The following PRKCH variants were observed in gnomAD, a reference collection of about 807,000 sequenced individuals.
The protein encoded by PRKCH is protein kinase C eta, also known as protein kinase C eta type.
PRKCH carries 28 observed loss-of-function variants against 82.5 expected under a neutral mutation model. The observed-to-expected ratio is 0.34, with a 90% CI of 0.25 to 0.47. The LOEUF (loss-of-function observed/expected upper bound fraction) is 0.47. Among genes scored for constraint, PRKCH ranks in the 20% least tolerant of loss-of-function variants. The pLI, the probability that PRKCH is intolerant of heterozygous loss-of-function variation, is 1.00. For missense variants in PRKCH, 705 were observed against 881.8 expected, an observed-to-expected ratio of 0.80 and a Z score of 2.54; for synonymous variants, 322 against 327.4, an observed-to-expected ratio of 0.98 and a Z score of 0.18.
rs547777412 is a variant in PRKCH at position 61,193,398 on chromosome 14, CT to C, written c.-19+5733del. Among the ~76,000 whole-genome samples the C allele has an allele frequency of 2.4e-3, 365 of 152,134 alleles. 3 individuals are homozygous for C. The highest frequency in any genetic ancestry group is 8.7e-3 in the African/African-American group (360 of 41,508). The stretch of plus-strand genomic sequence containing the variant: ...ATGGTAGAAAAATCAACCAAGAGGC[CT>C]TTGTTTTTCTTTTGCTTTCTTAGCA... On this transcript the variant is annotated intron_variant, in intron 1 of 3. Coordinates refer to the PRKCH transcript ENST00000555185.
intron 1 of PRKCH, among the ~76,000 whole-genome samples, chr14:61,371,665 G>A (rs1299437693): frequency 6.6e-6 from 1 of 151,946 alleles, no homozygotes; most frequent in Non-Finnish European, 1.5e-5. Flanking sequence ...CTATCAAAAC[G>A]ACCTATCACT....
chr14:61,249,039 T>C (rs370972765), intron 1 of PRKCH, among the ~76,000 whole-genome samples: 21 of 152,232 alleles, frequency 1.4e-4, no homozygotes, highest in African/African-American at 5.1e-4. Context: ...TGACCTCAGG[T>C]GACTCGCCTG....
rs2045635889 is a variant in PRKCH at position 61,322,222 on chromosome 14, C to T, written c.121C>T (p.Leu41=). Residue 41 remains leucine, a synonymous_variant, in exon 1 of 14, where the codon CTG becomes TTG. Transcript: ENST00000332981. The stretch of plus-strand genomic sequence containing the variant: ...GCTCTTCAAGAAGGGCCACCAGCTG[C>T]TGGACCCCTATCTGACGGTGAGCGT... ...HSLFKKGHQL[L]DPYLTVSVDQ... The T allele has an allele frequency of 6.2e-7, 1 of 1,613,344 alleles. No individual in the cohort carries two copies. The highest frequency in any genetic ancestry group is 1.7e-5 in the Admixed American group (1 of 59,970).
At chr14:61,407,436 C>T (rs2352084) in intron 2 of PRKCH, among the ~76,000 whole-genome samples, 102,747 of 152,002 alleles carry the variant, frequency 0.68, 35,108 homozygotes, top group East Asian at 0.8. Context: ...AAGAATTCAT[C>T]GACAAAGACT....
At position 61,445,708 on chromosome 14, in the gene PRKCH, CAG is replaced by C; in HGVS notation, c.596_597del (p.Gln199ArgfsTer13). 1 of 1,610,228 alleles carries C rather than the reference CAG, an allele frequency of 6.2e-7. No individual in the cohort carries two copies. The highest frequency in any genetic ancestry group is 8.5e-7 in the Non-Finnish European group (1 of 1,176,516). On this transcript the variant is annotated frameshift_variant, in exon 4 of 14. Coordinates refer to ENST00000332981, the MANE Select transcript of PRKCH (RefSeq NM_006255.5). LOFTEE classifies it high-confidence loss of function. Reference sequence around the variant, plus strand: ...CTTCAACAGGGGAGTGTTTGGGAAACAGGGTTATCAGTGCCAAGGTAAGGAAA... The same window carrying C: ...CTTCAACAGGGGAGTGTTTGGGAAACGGTTATCAGTGCCAAGGTAAGGAAA... Reference protein sequence around the residue: ...REFIWGVFGKQGYQCQVCTCV... With the variant: ...REFIWGVFGKXGYQCQVCTCV...
chr14:61,439,338 C>G (rs1258900148), intron 2 of PRKCH, among the ~76,000 whole-genome samples: 2 of 152,114 alleles, frequency 1.3e-5, no homozygotes, highest in African/African-American at 2.4e-5. Context: ...TGGCAGCAGT[C>G]TAGAACATGG....
chr14:61,202,648 A>G (rs752177901), intron 1 of PRKCH, among the ~76,000 whole-genome samples: 4 of 152,060 alleles, frequency 2.6e-5, no homozygotes, highest in African/African-American at 9.7e-5. Flanking sequence ...TGTTTTACCC[A>G]TTTTAATCAT....
intron 10 of PRKCH, among the ~76,000 whole-genome samples, chr14:61,505,225 T>C (rs1887083205): frequency 6.6e-6 from 1 of 152,026 alleles, no homozygotes; most frequent in African/African-American, 2.4e-5. Flanking sequence ...CAGAAAATTA[T>C]TTCTCAGTGC....
At chr14:61,341,427 G>A (rs991110) in intron 1 of PRKCH, among the ~76,000 whole-genome samples, 16,276 of 152,218 alleles carry the variant, frequency 0.11, 1,122 homozygotes, top group African/African-American at 0.19. Context: ...TAACTACAAA[G>A]ACATCCATAA....
rs1236647818 is a variant in PRKCH, at chr14:61,502,058, TTCTTTTC to T, written c.1433+16404_1433+16410del. ...AGGCAATCTTTTCTTTTCTTTTCTT[TTCTTTTC>T]TTTTTTTTTTTTTTTTTCCGAGATG... On this transcript the variant is annotated intron_variant, in intron 10 of 13. Coordinates refer to ENST00000332981, the MANE Select transcript of PRKCH (RefSeq NM_006255.5). 7.1e-5 allele frequency among the ~76,000 whole-genome samples: 6 copies of T among 84,506 alleles called. 1 individual carries two copies. The highest frequency in any genetic ancestry group is 3.6e-4 in the African/African-American group (6 of 16,532). 55.4% of individuals were successfully genotyped at this position (84,506 alleles called of 152,430 possible).
chr14:61,364,789 A>C (rs570797792), intron 1 of PRKCH, among the ~76,000 whole-genome samples: 1 of 152,062 alleles, frequency 6.6e-6, no homozygotes, highest in African/African-American at 2.4e-5. Context: ...GCAGTGAGCC[A>C]TGATTGCACC....
chr14:61,207,536 C>T (rs536615677), intron 1 of PRKCH, among the ~76,000 whole-genome samples: 76 of 152,232 alleles, frequency 5.0e-4, no homozygotes, highest in Non-Finnish European at 1.0e-3. Flanking sequence ...TTGCCTAACT[C>T]AGGAATTCTT....
chr14:61,372,288 T>G (rs2046372634), intron 1 of PRKCH, among the ~76,000 whole-genome samples: 1 of 152,114 alleles, frequency 6.6e-6, no homozygotes, highest in Non-Finnish European at 1.5e-5. Flanking sequence ...TTTAGGTCTG[T>G]TCAGCTGACG....
intron 1 of PRKCH, among the ~76,000 whole-genome samples, chr14:61,266,108 G>A (rs2045098485): frequency 6.6e-6 from 1 of 151,680 alleles, no homozygotes; most frequent in South Asian, 2.1e-4. Context: ...AAAGACTACT[G>A]AAGCTTTTAG....
intron 9 of PRKCH, among the ~76,000 whole-genome samples, chr14:61,459,098 A>G (rs1884915410): frequency 6.6e-6 from 1 of 152,202 alleles, no homozygotes; most frequent in African/African-American, 2.4e-5. Flanking sequence ...GGCTTTTGGT[A>G]TCAATGAAGA....
At chr14:61,460,616 A>G (rs1188228669) in intron 9 of PRKCH, among the ~76,000 whole-genome samples, 1 of 152,232 alleles carries the variant, frequency 6.6e-6, no homozygotes, top group African/African-American at 2.4e-5. Flanking sequence ...AAAGTTAGGT[A>G]CAAAGAAGCT....
intron 1 of PRKCH, among the ~76,000 whole-genome samples, chr14:61,288,152 A>G (rs192578599): frequency 1.3e-5 from 2 of 152,302 alleles, no homozygotes; most frequent in East Asian, 1.9e-4. Context: ...CAACAAAGAC[A>G]TGCTTAGATG....
intron 2 of PRKCH, among the ~76,000 whole-genome samples, chr14:61,437,472 T>G (rs1883732648): frequency 6.6e-6 from 1 of 152,236 alleles, no homozygotes; most frequent in Non-Finnish European, 1.5e-5. Context: ...TAAAACAAAT[T>G]ATCTCAGGAA....
intron 9 of PRKCH, among the ~76,000 whole-genome samples, chr14:61,467,129 T>C (rs1439465723): frequency 6.6e-6 from 1 of 152,214 alleles, no homozygotes. Flanking sequence ...AAGGTAGTCA[T>C]GTGGCCCTGG....
Sources: allele counts gnomAD v4.1 joint callset (sites outside exome capture counted in the v4.1 genomes callset), GRCh38; gene constraint gnomAD v4.1.1; transcripts MANE v1.5; gene names NCBI Gene and HGNC (gene_info 2026-07-23, HGNC 2026-07-21).